TTLL11: variants seen among roughly 807,000 people sequenced by gnomAD.
TTLL11 encodes tubulin polyglutamylase TTLL11.
Under a neutral mutation model 51.7 loss-of-function variants are expected in TTLL11, and 42 were observed. The observed-to-expected ratio is 0.81, with a 90% confidence interval of 0.64 to 1.05. The LOEUF (loss-of-function observed/expected upper bound fraction) is 1.05, where lower values mean the gene tolerates loss of function less well. TTLL11 is among the 50% of genes least tolerant of loss of function. TTLL11 has a pLI of 0.00. For missense variants in TTLL11, 799 were observed against 940.4 expected, an observed-to-expected ratio of 0.85 and a Z score of 1.97; for synonymous variants, 381 against 383.5, an observed-to-expected ratio of 0.99 and a Z score of 0.08.
chr9:121,977,836 A>G (rs1005845799), intron 4 of TTLL11, among the ~76,000 whole-genome samples: 2 of 151,862 alleles, frequency 1.3e-5, no homozygotes, highest in Non-Finnish European at 2.9e-5. Context: ...CCCCATGCCC[A>G]GCTAATTTTT....
At chr9:121,895,928 CTG>C (rs1380102594) in intron 6 of TTLL11, among the ~76,000 whole-genome samples, 4 of 50,326 alleles carry the variant, frequency 7.9e-5, no homozygotes, top group Admixed American at 2.1e-4. Flanking sequence ...GTGGGTGTGT[CTG>C]TGTGGGTGTG....
chr9:121,959,603 T>A lies in TTLL11; in HGVS notation c.1481+14406A>T, dbSNP rs967084386. Among the ~76,000 whole-genome samples, 4 of 151,904 alleles carry A rather than the reference T, an allele frequency of 2.6e-5. No individual in the cohort carries two copies. In the South Asian group the frequency reaches 8.3e-4, roughly 32 times the overall value. ...CTAAAAACGTCTTAATACAAACATT[T>A]CTCTCCATCCCTACTCCTGCCACCT... On this transcript the variant is annotated intron_variant, in intron 6 of 8. Transcript: ENST00000321582.
At position 121,940,559 on chromosome 9, in the gene TTLL11, C is replaced by T. The variant is rs567073038; in HGVS notation, c.1481+33450G>A. Among the ~76,000 whole-genome samples the T allele has an allele frequency of 3.3e-5, 5 of 152,088 alleles. No individual in the cohort carries two copies. In the East Asian group the frequency reaches 7.8e-4, roughly 24 times the overall value. The stretch of plus-strand genomic sequence containing the variant: ...CACTATGTTGGGTTTCACTATGTCT[C>T]GAACTCCTGACCTCATGATCTGCCC... On this transcript the variant is annotated intron_variant, in intron 6 of 8. Transcript: ENST00000321582.
chr9:121,852,632 A>G (rs1006089881), intron 8 of TTLL11, among the ~76,000 whole-genome samples: 22 of 151,964 alleles, frequency 1.4e-4, no homozygotes, highest in Non-Finnish European at 1.5e-5. Context: ...AAGGACAGGC[A>G]CTCGCCCGAC....
rs897132515 is a variant in TTLL11, at chr9:121,818,123, A to G, written c.*4464T>C. On this transcript the variant is annotated 3_prime_UTR_variant, in exon 9 of 9. Transcript: ENST00000321582. ...ATGCAGAGTTGAAAGGAGGCTGGCT[A>G]GCCGGCTGGAGGGGTGTTGGTGAGG... 6.6e-6 allele frequency: 1 copy of G among 152,386 alleles called. No homozygotes were observed. The highest frequency in any genetic ancestry group is 1.5e-5 in the Non-Finnish European group (1 of 68,200). 9.4% of individuals were successfully genotyped at this position (152,386 alleles called of 1,614,324 possible).
chr9:121,900,587 C>T (rs1839737603), intron 6 of TTLL11, among the ~76,000 whole-genome samples: 1 of 152,120 alleles, frequency 6.6e-6, no homozygotes, highest in Admixed American at 6.5e-5. Context: ...TCTCTACCTT[C>T]TTTCTATTAT....
chr9:121,826,174 AACCAG>A (rs1836746469), intron 8 of TTLL11, among the ~76,000 whole-genome samples: 7 of 78,494 alleles, frequency 8.9e-5, no homozygotes, highest in African/African-American at 1.5e-4. Flanking sequence ...ATATATATAT[AACCAG>A]TAACCTATAT....
At position 121,971,587 on chromosome 9, in the gene TTLL11, G is replaced by A. The variant is rs1252668504; in HGVS notation, c.1481+2422C>T. On this transcript the variant is annotated intron_variant, in intron 6 of 8. Coordinates refer to ENST00000321582, the MANE Select transcript of TTLL11 (RefSeq NM_001139442.2). ...GGAGGTGTGCCCAACAGCTCATTGA[G>A]AACGGGCCAGGATGACAATGGCGGC... Among the ~76,000 whole-genome samples the A allele has an allele frequency of 5.6e-4, 81 of 143,442 alleles. No individual in the cohort carries two copies. In the Middle Eastern group the frequency reaches 0.014, roughly 26 times the overall value. The allele number at this position is 143,442 out of a possible 152,430, so 94.1% of individuals were successfully genotyped here.
rs192222922 is a variant in TTLL11 at position 121,950,032 on chromosome 9, C to T, written c.1481+23977G>A. ...GTGGAGGTTATCTTTCACCTTTTCC[C>T]TATGACTAAGGAGGACACATTCCCA... On this transcript the variant is annotated intron_variant, in intron 6 of 8. Coordinates refer to ENST00000321582, the MANE Select transcript of TTLL11 (RefSeq NM_001139442.2). 3.4e-3 allele frequency among the ~76,000 whole-genome samples: 514 copies of T among 152,224 alleles called. 2 individuals carry two copies. Among genetic ancestry groups the T allele is most frequent in the Non-Finnish European group, 5.0e-3 (338 of 68,006 alleles).
intron 6 of TTLL11, among the ~76,000 whole-genome samples, chr9:121,928,114 C>T (rs996363750): frequency 4.6e-5 from 7 of 152,022 alleles, no homozygotes; most frequent in Admixed American, 1.3e-4. Context: ...AGGGGCAGTA[C>T]CAGAGGGGGC....
At chr9:121,934,366 G>A (rs900199908) in intron 6 of TTLL11, among the ~76,000 whole-genome samples, 2 of 152,088 alleles carry the variant, frequency 1.3e-5, no homozygotes, top group Admixed American at 6.5e-5. Flanking sequence ...TAGCTCTTCC[G>A]AATGTTGTGC....
rs558217030 is a variant in TTLL11, at chr9:121,952,234, C to T, written c.1481+21775G>A. 2.0e-5 allele frequency among the ~76,000 whole-genome samples: 3 copies of T among 152,126 alleles called. No individual in the cohort carries two copies. In the South Asian group the frequency reaches 6.2e-4, roughly 32 times the overall value. ...GGCCGAGCTGGGCAGATCACAAAGT[C>T]AAGAGATCGAGACCATCCTGGCTAA... On this transcript the variant is annotated intron_variant, in intron 6 of 8. Transcript: ENST00000321582.
At chr9:121,954,658 G>GCACA (rs796092810) in intron 6 of TTLL11, among the ~76,000 whole-genome samples, 3 of 140,438 alleles carry the variant, frequency 2.1e-5, no homozygotes, top group Admixed American at 7.5e-5. Flanking sequence ...TTCAGTGCAA[G>GCACA]CACACACACA....
intron 1 of TTLL11, among the ~76,000 whole-genome samples, chr9:122,041,143 T>G (rs1844835986): frequency 6.6e-6 from 1 of 152,188 alleles, no homozygotes. Context: ...CTTTAGCTCA[T>G]TCAGTTTTGA....
intron 6 of TTLL11, among the ~76,000 whole-genome samples, chr9:121,967,379 C>G (rs911294402): frequency 3.3e-5 from 5 of 151,882 alleles, no homozygotes; most frequent in African/African-American, 1.2e-4. Context: ...TGCCCACCAC[C>G]AGGCCCAGCT....
At chr9:121,962,163 A>T (rs934468631) in intron 6 of TTLL11, among the ~76,000 whole-genome samples, 7 of 152,234 alleles carry the variant, frequency 4.6e-5, no homozygotes, top group Admixed American at 1.3e-4. Context: ...GTAAAAAGTT[A>T]ATCAGGTTAG....
intron 1 of TTLL11, among the ~76,000 whole-genome samples, chr9:122,043,204 T>C (rs1844895448): frequency 1.3e-5 from 2 of 152,124 alleles, no homozygotes; most frequent in Non-Finnish European, 1.5e-5. Flanking sequence ...CTCTGCACCA[T>C]ATGCTCAATT....
intron 6 of TTLL11, among the ~76,000 whole-genome samples, chr9:121,884,433 T>C (rs1019076981): frequency 4.6e-5 from 7 of 152,196 alleles, no homozygotes; most frequent in Middle Eastern, 3.4e-3. Flanking sequence ...TTCTCAGTTG[T>C]CATGGCAACA....
intron 4 of TTLL11, among the ~76,000 whole-genome samples, chr9:121,981,195 T>G (rs1430852408): frequency 6.6e-6 from 1 of 152,112 alleles, no homozygotes; most frequent in East Asian, 1.9e-4. Flanking sequence ...TACACATATG[T>G]TAGACCACCT....
Sources: allele counts gnomAD v4.1 joint callset (sites outside exome capture counted in the v4.1 genomes callset), GRCh38; gene constraint gnomAD v4.1.1; transcripts MANE v1.5; gene names NCBI Gene and HGNC (gene_info 2026-07-23, HGNC 2026-07-21).